Variants in MRTFA observed in about 807,000 individuals in gnomAD.
MRTFA encodes myocardin-related transcription factor A.
Under a neutral mutation model 83.5 loss-of-function variants are expected in MRTFA, and 20 were observed. The observed-to-expected ratio is 0.24, with a 90% CI of 0.17 to 0.35. MRTFA has a LOEUF of 0.35. Among genes scored for constraint, MRTFA ranks in the 10% least tolerant of loss-of-function variants. MRTFA has a pLI of 1.00. For synonymous variants in MRTFA, 659 were observed against 541.2 expected, an observed-to-expected ratio of 1.22 and a Z score of -3.02; for missense variants, 1,200 against 1,224.7, an observed-to-expected ratio of 0.98 and a Z score of 0.30.
intron 4 of MRTFA, among the ~76,000 whole-genome samples, chr22:40,444,213 C>T (rs761964978): frequency 1.3e-5 from 2 of 152,058 alleles, no homozygotes; most frequent in Non-Finnish European, 2.9e-5. Flanking sequence ...AGGAAAGATT[C>T]GGTGAACCAG....
At chr22:40,464,792 A>G (rs1326095675) in intron 3 of MRTFA, among the ~76,000 whole-genome samples, 2 of 152,220 alleles carry the variant, frequency 1.3e-5, no homozygotes, top group African/African-American at 2.4e-5. Flanking sequence ...TTTCCTCCCA[A>G]AAACCTAATC....
intron 14 of MRTFA, among the ~76,000 whole-genome samples, chr22:40,414,388 G>C (rs8137675): frequency 0.079 from 12,021 of 152,154 alleles, 746 homozygotes; most frequent in African/African-American, 0.17. Flanking sequence ...TCCAACCCTA[G>C]GTTTATGCCC....
intron 3 of MRTFA, among the ~76,000 whole-genome samples, chr22:40,520,146 T>C (rs1259746704): frequency 1.3e-5 from 2 of 152,218 alleles, no homozygotes; most frequent in Non-Finnish European, 2.9e-5. Flanking sequence ...GCTGTCACTC[T>C]AGAGAAACCT....
intron 2 of MRTFA, among the ~76,000 whole-genome samples, chr22:40,568,909 C>T (rs1401708340): frequency 6.6e-6 from 1 of 152,076 alleles, no homozygotes; most frequent in Non-Finnish European, 1.5e-5. Flanking sequence ...CTTCAAATAC[C>T]TTATGGGTAG....
intron 3 of MRTFA, among the ~76,000 whole-genome samples, chr22:40,480,743 CT>C (rs758150714): frequency 1.6e-3 from 146 of 93,528 alleles, no homozygotes; most frequent in East Asian, 2.6e-3. Context: ...GAGTTCAAGA[CT>C]TTTTTTTTTT....
At chr22:40,494,407 G>A (rs570096761) in intron 3 of MRTFA, among the ~76,000 whole-genome samples, 5 of 152,192 alleles carry the variant, frequency 3.3e-5, no homozygotes, top group African/African-American at 7.2e-5. Flanking sequence ...GGCCAGATGC[G>A]GTGGCTCATG....
intron 11 of MRTFA, 22 bp from the exon 12 acceptor site, chr22:40,419,406 G>C: frequency 6.2e-7 from 1 of 1,608,124 alleles, no homozygotes; most frequent in South Asian, 1.1e-5. Flanking sequence ...TCAAGAGTCA[G>C]GGAGGCCAGG....
chr22:40,602,104 C>A (rs1040383737), intron 1 of MRTFA, among the ~76,000 whole-genome samples: 1 of 152,132 alleles, frequency 6.6e-6, no homozygotes, highest in Non-Finnish European at 1.5e-5. Flanking sequence ...AAAGCACCTA[C>A]GAAGAAGAAC....
At chr22:40,631,729 T>A (rs1353659019) in intron 1 of MRTFA, among the ~76,000 whole-genome samples, 1 of 152,256 alleles carries the variant, frequency 6.6e-6, no homozygotes, top group Non-Finnish European at 1.5e-5. Context: ...TAATTTAGTG[T>A]CTACCTCCAC....
At chr22:40,460,894 G>C (rs987189570) in intron 4 of MRTFA, among the ~76,000 whole-genome samples, 3 of 152,096 alleles carry the variant, frequency 2.0e-5, no homozygotes, top group African/African-American at 7.2e-5. Flanking sequence ...CTGGGCTGAT[G>C]TTTAGGATAG....
At chr22:40,518,418 T>C (rs1484168741) in intron 3 of MRTFA, among the ~76,000 whole-genome samples, 2 of 127,050 alleles carry the variant, frequency 1.6e-5, no homozygotes, top group Non-Finnish European at 1.7e-5. Flanking sequence ...AATTGGTTGT[T>C]GGTGAGGGAA....
intron 1 of MRTFA, among the ~76,000 whole-genome samples, chr22:40,636,009 C>T (rs535734796): frequency 1.1e-4 from 16 of 152,312 alleles, no homozygotes; most frequent in African/African-American, 3.1e-4. Flanking sequence ...GCCCTGTACA[C>T]CTGGCAGCAT....
At chr22:40,529,243 G>A (rs2055033083) in intron 3 of MRTFA, among the ~76,000 whole-genome samples, 1 of 152,162 alleles carries the variant, frequency 6.6e-6, no homozygotes, top group Non-Finnish European at 1.5e-5. Context: ...TAGGGAAATA[G>A]AAGTTAAAAA....
intron 3 of MRTFA, among the ~76,000 whole-genome samples, chr22:40,547,853 CAAAAAAAAAAAAAAA>C (rs1056609474): frequency 2.0e-5 from 1 of 51,278 alleles, no homozygotes; most frequent in Non-Finnish European, 4.0e-5. Flanking sequence ...GACTGTCTCC[CAAAAAAAAAAAAAAA>C]AAAGAAAAAG....
intron 2 of MRTFA, among the ~76,000 whole-genome samples, chr22:40,555,741 A>C (rs2147318567): frequency 6.6e-6 from 1 of 151,204 alleles, no homozygotes; most frequent in East Asian, 1.9e-4. Flanking sequence ...CATTCACGCC[A>C]TTCTCCTGTC....
chr22:40,519,573 C>T, intron 3 of MRTFA: 2 of 1,345,378 alleles, frequency 1.5e-6, no homozygotes, highest in Non-Finnish European at 2.0e-6. Flanking sequence ...AGGTGAAAGG[C>T]AATCACGCTG....
At chr22:40,590,021 C>T (rs528291601) in intron 2 of MRTFA, among the ~76,000 whole-genome samples, 2 of 134,794 alleles carry the variant, frequency 1.5e-5, no homozygotes, top group East Asian at 2.1e-4. Flanking sequence ...GACTCCGTCT[C>T]GAAAAAAAAA....
chr22:40,576,052 G>A (rs5995876), intron 2 of MRTFA, among the ~76,000 whole-genome samples: 14,206 of 141,956 alleles, frequency 0.1, 832 homozygotes, highest in East Asian at 0.24. Flanking sequence ...TTTTTGAGAC[G>A]GAGTCTTGTT....
chr22:40,474,318 A>G (rs1203065213), intron 3 of MRTFA, among the ~76,000 whole-genome samples: 1 of 152,246 alleles, frequency 6.6e-6, no homozygotes, highest in Non-Finnish European at 1.5e-5. Flanking sequence ...GAGAGCCCTG[A>G]ACTCTCCAGT....
Sources: allele counts gnomAD v4.1 joint callset (sites outside exome capture counted in the v4.1 genomes callset), GRCh38; gene constraint gnomAD v4.1.1; transcripts MANE v1.5; gene names NCBI Gene and HGNC (gene_info 2026-07-23, HGNC 2026-07-21).